Variants in RBFOX3 observed in about 807,000 individuals in gnomAD.
The protein encoded by RBFOX3 is RNA binding protein fox-1 homolog 3.
RBFOX3 carries 17 observed loss-of-function variants against 48.7 expected under a neutral mutation model. The ratio of observed to expected loss-of-function variants is 0.35; its 90% CI spans 0.24 to 0.52. The LOEUF (loss-of-function observed/expected upper bound fraction) is 0.52, where lower values mean the gene tolerates loss of function less well. RBFOX3 is among the 20% of genes least tolerant of loss of function. The probability of loss-of-function intolerance (pLI) is 0.94; values close to 1 mark genes in which losing one functional copy is unlikely to be tolerated. For synonymous variants in RBFOX3, 212 were observed against 209.5 expected (o/e 1.01, Z -0.10); for missense variants, 382 against 497.5 (o/e 0.77, Z 2.21).
chr17:79,345,459 G>A (rs1320466897), intron 2 of RBFOX3, among the ~76,000 whole-genome samples: 2 of 152,166 alleles, frequency 1.3e-5, no homozygotes, highest in Non-Finnish European at 2.9e-5. Context: ...GAAGCCTGAT[G>A]ATCATTATAT....
At chr17:79,133,890 C>A (rs1022046307) in intron 4 of RBFOX3, among the ~76,000 whole-genome samples, 2 of 152,230 alleles carry the variant, frequency 1.3e-5, no homozygotes, top group Admixed American at 6.5e-5. Flanking sequence ...AGCCCCTGGG[C>A]CTCTCTCCCC....
In RBFOX3 at chr17:79,336,145, G is replaced by A. The variant is rs566830908; in HGVS notation, c.-174-28321C>T. On this transcript the variant is annotated intron_variant, in intron 2 of 14. Coordinates refer to ENST00000693108, the MANE Select transcript of RBFOX3 (RefSeq NM_001350451.2). Reference sequence around the variant, plus strand: ...CTCTCGCCTGTAATCCCAGCACTTTGAGAGGCCAAGGTGAGTGGATCACCT... The same window carrying A: ...CTCTCGCCTGTAATCCCAGCACTTTAAGAGGCCAAGGTGAGTGGATCACCT... Among the ~76,000 whole-genome samples, 3 of 152,256 alleles carry A rather than the reference G, an allele frequency of 2.0e-5. No individual in the cohort carries two copies. In the East Asian group the frequency reaches 5.8e-4, roughly 29 times the overall value.
chr17:79,221,477 TG>T (rs943456077), intron 4 of RBFOX3, among the ~76,000 whole-genome samples: 9 of 152,274 alleles, frequency 5.9e-5, no homozygotes, highest in South Asian at 4.1e-4. Flanking sequence ...TGATGCAGGT[TG>T]GGGGGCCTCT....
rs897095562 is a variant in RBFOX3 at position 79,299,090 on chromosome 17, AATAC to A, written c.-74+8630_-74+8633del. ...GGCAGCAGATGCGGCTGGCCTCGGA[AATAC>A]GGGAGGGACATGGGAAATGAACTAA... On this transcript the variant is annotated intron_variant, in intron 3 of 14. Coordinates refer to ENST00000693108, the MANE Select transcript of RBFOX3 (RefSeq NM_001350451.2). This position sits in a 1 kb window ranked among gnomAD's most constrained non-coding sequence, Gnocchi z 4.5. Among the ~76,000 whole-genome samples, 3 of 151,794 alleles carry A rather than the reference AATAC, an allele frequency of 2.0e-5. No individual in the cohort carries two copies. Among genetic ancestry groups the A allele is most frequent in the Non-Finnish European group, 4.4e-5 (3 of 67,968 alleles).
intron 2 of RBFOX3, among the ~76,000 whole-genome samples, chr17:79,402,613 T>C (rs1471899320): frequency 1.3e-5 from 2 of 151,736 alleles, no homozygotes; most frequent in Non-Finnish European, 2.9e-5. Context: ...CAGGAAAGGG[T>C]GGGCCAGGGC....
the RBFOX3 span, among the ~76,000 whole-genome samples, chr17:79,641,494 A>C: frequency 1.3e-5 from 2 of 152,166 alleles, no homozygotes; most frequent in Non-Finnish European, 2.9e-5. Flanking sequence ...AGACAACTGC[A>C]CCCCCATGTT....
chr17:79,330,600 T>C (rs2146317539), intron 2 of RBFOX3, among the ~76,000 whole-genome samples: 1 of 152,134 alleles, frequency 6.6e-6, no homozygotes, highest in Admixed American at 6.5e-5. Context: ...GTGGTCCCAC[T>C]CCTGTCTCCC....
At chr17:79,097,242 C>T (rs759155716) in intron 11 of RBFOX3, 50 bp downstream of exon 11, 79 of 1,455,844 alleles carry the variant, frequency 5.4e-5, no homozygotes, top group Middle Eastern at 2.0e-4. Flanking sequence ...TTTCCCTCCT[C>T]CCCGCCGTCC....
At chr17:79,624,346 G>A in the RBFOX3 span, among the ~76,000 whole-genome samples, 1 of 151,896 alleles carries the variant, frequency 6.6e-6, no homozygotes, top group East Asian at 1.9e-4. Context: ...TTAGCTGCAG[G>A]GGAGGCTGGG....
At chr17:79,442,294 GGA>G (rs1568258283) in intron 2 of RBFOX3, among the ~76,000 whole-genome samples, 46 of 14,936 alleles carry the variant, frequency 3.1e-3, no homozygotes, top group African/African-American at 4.6e-3. Flanking sequence ...AGAGAGGGAG[GGA>G]GAGAGAGGGA....
At chr17:79,497,122 GC>G (rs1326008844) in intron 1 of RBFOX3, among the ~76,000 whole-genome samples, 1 of 152,092 alleles carries the variant, frequency 6.6e-6, no homozygotes, top group African/African-American at 2.4e-5. Context: ...CTGCATGGCA[GC>G]CCCCACCCAG....
intron 1 of RBFOX3, among the ~76,000 whole-genome samples, chr17:79,559,252 AT>A (rs2092003879): frequency 6.6e-6 from 1 of 152,194 alleles, no homozygotes; most frequent in African/African-American, 2.4e-5. Flanking sequence ...TATTTATAGA[AT>A]GGATGGATGG....
intron 1 of RBFOX3, among the ~76,000 whole-genome samples, chr17:79,546,886 T>G (rs995512151): frequency 6.6e-6 from 1 of 151,210 alleles, no homozygotes; most frequent in Non-Finnish European, 1.5e-5. Context: ...GTCAGGCTGG[T>G]CTCAAGCTCC....
At position 79,211,942 on chromosome 17, in the gene RBFOX3, G is replaced by C. The variant is rs1215273990; in HGVS notation, c.-34+23824C>G. ...CACGGGGATACGTGGGGGGGAACAA[G>C]ACAGATGAGACCCCTGCCCACAAGG... On this transcript the variant is annotated intron_variant, in intron 4 of 14. Coordinates refer to ENST00000693108, the MANE Select transcript of RBFOX3 (RefSeq NM_001350451.2). 2.6e-5 allele frequency among the ~76,000 whole-genome samples: 4 copies of C among 152,152 alleles called. No individual in the cohort carries two copies. In the East Asian group the frequency reaches 7.7e-4, roughly 29 times the overall value.
chr17:79,425,311 C>T (rs569090517), intron 2 of RBFOX3, among the ~76,000 whole-genome samples: 101 of 152,304 alleles, frequency 6.6e-4, no homozygotes, highest in African/African-American at 2.4e-3. Context: ...AAGTCCCCTC[C>T]GCAGTAACCC....
the RBFOX3 span, among the ~76,000 whole-genome samples, chr17:79,649,674 T>C: frequency 2.0e-4 from 30 of 152,192 alleles, no homozygotes; most frequent in African/African-American, 4.6e-4. Flanking sequence ...CCATTGCACT[T>C]CAGCCGACAG....
chr17:79,225,360 GACTC>G (rs2060196420), intron 4 of RBFOX3, among the ~76,000 whole-genome samples: 1 of 148,982 alleles, frequency 6.7e-6, no homozygotes, highest in Non-Finnish European at 1.5e-5. Flanking sequence ...GCACCATTTG[GACTC>G]ACCGCAACCT....
chr17:79,134,754 C>T (rs1057296294), intron 4 of RBFOX3, among the ~76,000 whole-genome samples: 12 of 152,194 alleles, frequency 7.9e-5, no homozygotes, highest in Admixed American at 2.0e-4. Context: ...TTCCCCCCTG[C>T]GCCTGGGCCC....
At chr17:79,467,936 C>T (rs1193850981) in intron 2 of RBFOX3, among the ~76,000 whole-genome samples, 1 of 152,094 alleles carries the variant, frequency 6.6e-6, no homozygotes, top group Non-Finnish European at 1.5e-5. Flanking sequence ...GCCTGTCTCC[C>T]TGCAAGGTGC....
Sources: gnomAD v4.1 joint callset for allele counts (sites outside exome capture counted in the v4.1 genomes callset) on GRCh38, gnomAD v4.1.1 for gene constraint, Gnocchi (gnomAD v3.1) non-coding constraint, MANE v1.5 for transcripts, NCBI Gene and HGNC (gene_info 2026-07-23, HGNC 2026-07-21) for gene names.